PCDHGB5: variants seen among roughly 807,000 people sequenced by gnomAD.
PCDHGB5 encodes protocadherin gamma-B5.
In PCDHGB5, 48 loss-of-function variants were observed where a neutral mutation model predicts 62.9. That is an observed-to-expected ratio of 0.76 (90% confidence interval 0.61 to 0.97). PCDHGB5 has a LOEUF of 0.97. Ranked by LOEUF, PCDHGB5 falls within the 50% of genes least tolerant of loss-of-function variation. The pLI, the probability that PCDHGB5 is intolerant of heterozygous loss-of-function variation, is 0.00. For missense variants in PCDHGB5, 1,118 were observed against 1,198.6 expected, an observed-to-expected ratio of 0.93 and a Z score of 0.99; for synonymous variants, 474 against 511.2, an observed-to-expected ratio of 0.93 and a Z score of 0.98.
In PCDHGB5 at chr5:141,493,233, G is replaced by T. The variant is rs1335823475; in HGVS notation, c.2398-1574G>T. ...TTTGCTCTTCCCACCATTGCTGTTG[G>T]CTAGGTACTAACATGCCTCTCTTAT... is the stretch of plus-strand genomic sequence containing the variant. On this transcript the variant is annotated intron_variant, in intron 1 of 3. Coordinates refer to ENST00000617380, the MANE Select transcript of PCDHGB5 (RefSeq NM_018925.3). This position sits in a 1 kb window ranked among gnomAD's most constrained non-coding sequence, Gnocchi z 4.3. 6.6e-6 allele frequency among the ~76,000 whole-genome samples: 1 copy of T among 152,172 alleles called. No homozygotes were observed. The highest frequency in any genetic ancestry group is 2.1e-4 in the South Asian group (1 of 4,828).
chr5:141,400,031 G>T lies in PCDHGB5; in HGVS notation c.1904G>T (p.Arg635Leu). 1 of 1,613,082 alleles carries T rather than the reference G, an allele frequency of 6.2e-7. No individual in the cohort carries two copies. Among genetic ancestry groups the T allele is most frequent in the Admixed American group, 1.7e-5 (1 of 60,008 alleles). The change falls in exon 1 of 4, where the codon CGC becomes CTC. Residue 635 changes from arginine to leucine, a missense_variant. Around this residue, in one of 2 missense-constraint regions of PCDHGB5, gnomAD observed 1,034 missense variants for 1,029.1 expected, o/e 1.00. Coordinates refer to ENST00000617380, the MANE Select transcript of PCDHGB5 (RefSeq NM_018925.3). The stretch of plus-strand genomic sequence containing the variant: ...GCCTTGGGCGACAGGGACGCGGCCC[G>T]CCAGCGCCTGCTGGTTGCTGTGCGT... ...ARALGDRDAARQRLLVAVRDG... is the reference protein window; with the variant it reads ...ARALGDRDAALQRLLVAVRDG...
intron 1 of PCDHGB5, chr5:141,414,540 C>A (rs1158346953): frequency 1.2e-5 from 19 of 1,613,948 alleles, no homozygotes; most frequent in Non-Finnish European, 1.5e-5. Context: ...ACCCACCTAC[C>A]TTCTCTCAAG....
rs1451071413 is a variant in PCDHGB5, at chr5:141,415,742, T to G, written c.2397+15218T>G. 19 of 216,608 alleles carry G rather than the reference T, an allele frequency of 8.8e-5. 1 individual carries two copies. In the Admixed American group the frequency reaches 4.5e-3, roughly 51 times the overall value. 13.4% of individuals were successfully genotyped at this position (216,608 alleles called of 1,614,324 possible). ...AGTAGAATTTGATGTTTATTAAGGT[T>G]TTTTTTTTTTTTTTTTTTTTTTTTT... On this transcript the variant is annotated intron_variant, in intron 1 of 3. Transcript: ENST00000617380.
intron 1 of PCDHGB5, among the ~76,000 whole-genome samples, chr5:141,465,785 T>G (rs564238782): frequency 6.6e-6 from 1 of 152,262 alleles, no homozygotes; most frequent in South Asian, 2.1e-4. Flanking sequence ...TACAGTTTTT[T>G]TTTTTTTAAG....
intron 1 of PCDHGB5, chr5:141,413,182 G>A (rs752788034): frequency 6.2e-7 from 1 of 1,604,164 alleles, no homozygotes; most frequent in Non-Finnish European, 8.5e-7. Context: ...TACAATGGCC[G>A]CTCAAAGGAA....
Position 141,408,292 on chromosome 5 carries a change from T to C in PCDHGB5, c.2397+7768T>C, listed in dbSNP as rs752767472. On this transcript the variant is annotated intron_variant, in intron 1 of 3. Coordinates refer to ENST00000617380, the MANE Select transcript of PCDHGB5 (RefSeq NM_018925.3). ...TGCCTTTGTTCTACCCCACCCTGAGTGAGCCGATCCGCTACTCGATTCCGG... is the reference window on the plus strand; with the variant it reads ...TGCCTTTGTTCTACCCCACCCTGAGCGAGCCGATCCGCTACTCGATTCCGG... The C allele has an allele frequency of 5.0e-6, 8 of 1,613,504 alleles. No homozygotes were observed. The South Asian group carries it at 8.8e-5, about 18-fold the overall frequency.
rs775705715 is a variant in PCDHGB5 at position 141,422,475 on chromosome 5, C to T, written c.2397+21951C>T. ...GCAGAGTGCTGGACAGGGAGTTGGT[C>T]CAGAGCTACAATATAACGTTGACAG... On this transcript the variant is annotated intron_variant, in intron 1 of 3. Coordinates refer to ENST00000617380, the MANE Select transcript of PCDHGB5 (RefSeq NM_018925.3). The T allele has an allele frequency of 7.4e-6, 12 of 1,613,672 alleles. No individual in the cohort carries two copies. The East Asian group carries it at 2.0e-4, about 27-fold the overall frequency.
At chr5:141,430,877 G>T in intron 1 of PCDHGB5, 1 of 1,600,796 alleles carries the variant, frequency 6.2e-7, no homozygotes. Flanking sequence ...GGAAGAGCTG[G>T]AGAAAGGCTC....
chr5:141,439,310 A>G lies in PCDHGB5; in HGVS notation c.2397+38786A>G, dbSNP rs775009481. ...TCCATGGAAAAAGTAAAGCCCAGGCATGGAAGTGGGAATGGAAAGAAAGAT... is the reference window on the plus strand; with the variant it reads ...TCCATGGAAAAAGTAAAGCCCAGGCGTGGAAGTGGGAATGGAAAGAAAGAT... On this transcript the variant is annotated intron_variant, in intron 1 of 3. Transcript: ENST00000617380. 1.6e-4 allele frequency among the ~76,000 whole-genome samples: 24 copies of G among 152,320 alleles called. No homozygotes were observed. In the South Asian group the frequency reaches 4.1e-3, roughly 26 times the overall value.
Position 141,512,423 on chromosome 5 carries a change from T to C in PCDHGB5, c.*1250T>C, listed in dbSNP as rs2099884220. ...GATGGGGCTTCTTCAACAGGGCCCC[T>C]GCCCTCCTGAAGCCTCAGTCCTTCA... is the stretch of plus-strand genomic sequence containing the variant. On this transcript the variant is annotated 3_prime_UTR_variant, in exon 4 of 4. Transcript: ENST00000617380. 1 of 152,754 alleles carries C rather than the reference T, an allele frequency of 6.5e-6. No individual in the cohort carries two copies. The highest frequency in any genetic ancestry group is 6.5e-5 in the Admixed American group (1 of 15,274). The allele number at this position is 152,754 out of a possible 1,614,324, so 9.5% of individuals were successfully genotyped here.
intron 1 of PCDHGB5, chr5:141,423,780 T>C: frequency 8.0e-7 from 1 of 1,243,766 alleles, no homozygotes; most frequent in Non-Finnish European, 1.0e-6. Flanking sequence ...ATATATTTAG[T>C]TCATATATAT....
chr5:141,399,727 G>A lies in PCDHGB5; in HGVS notation c.1600G>A (p.Gly534Ser). 1 of 1,613,308 alleles carries A rather than the reference G, an allele frequency of 6.2e-7. No individual in the cohort carries two copies. Among genetic ancestry groups the A allele is most frequent in the Non-Finnish European group, 8.5e-7 (1 of 1,179,874 alleles). Residue 534 changes from glycine to serine, a missense_variant, in exon 1 of 4, where the codon GGC becomes AGC. Gly to Ser is a moderately conservative substitution (Grantham distance 56). This residue lies in a region of PCDHGB5 where 1,034 missense variants were observed against 1,029.1 expected (regional missense o/e 1.00). Transcript: ENST00000617380. ...ACTCACACTACAGGCCCGCGACCAG[G>A]GCTCGCCTGCGCTCAGCGCAAACGT... ...FELTLQARDQ[G>S]SPALSANVSL...
At chr5:141,421,705 G>C (rs1249601582) in intron 1 of PCDHGB5, 1 of 1,613,944 alleles carries the variant, frequency 6.2e-7, no homozygotes, top group Non-Finnish European at 8.5e-7. Context: ...TAATGCTAGG[G>C]ATCCAGATGT....
intron 1 of PCDHGB5, chr5:141,418,245 A>G: frequency 5.6e-6 from 9 of 1,614,046 alleles, no homozygotes; most frequent in Non-Finnish European, 7.6e-6. Flanking sequence ...GTTAATGACC[A>G]CGCCCCTCAA....
chr5:141,439,226 G>A (rs1337835258), intron 1 of PCDHGB5, among the ~76,000 whole-genome samples: 1 of 151,442 alleles, frequency 6.6e-6, no homozygotes, highest in African/African-American at 2.4e-5. Flanking sequence ...AAAATTCTTA[G>A]AAGCTTCCTA....
chr5:141,406,532 G>A (rs58503510), intron 1 of PCDHGB5, among the ~76,000 whole-genome samples: 16,962 of 152,088 alleles, frequency 0.11, 1,106 homozygotes, highest in African/African-American at 0.18. Context: ...ATTTTCTGAC[G>A]AAGATTCAAA....
intron 1 of PCDHGB5, among the ~76,000 whole-genome samples, chr5:141,458,512 TG>T (rs995261761): frequency 1.3e-5 from 2 of 150,194 alleles, no homozygotes; most frequent in East Asian, 1.9e-4. Flanking sequence ...TTTGACACTT[TG>T]TTTTTTTTTT....
chr5:141,482,363 G>C (rs2099556985), intron 1 of PCDHGB5, among the ~76,000 whole-genome samples: 1 of 152,086 alleles, frequency 6.6e-6, no homozygotes, highest in African/African-American at 2.4e-5. Flanking sequence ...AGAGTGAAAA[G>C]TAATGCATAT....
intron 1 of PCDHGB5, among the ~76,000 whole-genome samples, chr5:141,492,080 G>A (rs576661909): frequency 6.6e-6 from 1 of 152,352 alleles, no homozygotes; most frequent in African/African-American, 2.4e-5. Context: ...GCCGGCTCCG[G>A]CACGCTTCGC....
Sources: allele counts gnomAD v4.1 joint callset (sites outside exome capture counted in the v4.1 genomes callset), GRCh38; gene constraint gnomAD v4.1.1; regional missense constraint gnomAD v4.1.1; non-coding constraint Gnocchi (gnomAD v3.1); transcripts MANE v1.5; gene names NCBI Gene and HGNC (gene_info 2026-07-23, HGNC 2026-07-21).